Variants in GLP1R observed in about 807,000 individuals in gnomAD.
GLP1R encodes glucagon-like peptide 1 receptor.
In GLP1R, 32 loss-of-function variants were observed where a neutral mutation model predicts 68.4. The ratio of observed to expected loss-of-function variants is 0.47; its 90% CI spans 0.35 to 0.63. GLP1R has a LOEUF of 0.63. Among genes scored for constraint, GLP1R ranks in the 20% least tolerant of loss-of-function variants. GLP1R has a pLI of 0.00. For missense variants in GLP1R, 502 were observed against 594.9 expected, an observed-to-expected ratio of 0.84 and a Z score of 1.62; for synonymous variants, 263 against 244.4, an observed-to-expected ratio of 1.08 and a Z score of -0.71.
chr6:39,070,347 A>G (rs1338743179), intron 5 of GLP1R, among the ~76,000 whole-genome samples: 1 of 152,238 alleles, frequency 6.6e-6, no homozygotes, highest in African/African-American at 2.4e-5. Flanking sequence ...ATTCCGTTGT[A>G]TAATACAGCA....
intron 12 of GLP1R, among the ~76,000 whole-genome samples, chr6:39,082,027 A>G (rs542350191): frequency 1.3e-5 from 2 of 152,310 alleles, no homozygotes; most frequent in South Asian, 2.1e-4. Flanking sequence ...GTAAGCAATC[A>G]CTATTAGATC....
Position 39,049,470 on chromosome 6 carries a change from A to G in GLP1R, c.78+552A>G, listed in dbSNP as rs745331491. Among the ~76,000 whole-genome samples, 1 of 151,912 alleles carries G rather than the reference A, an allele frequency of 6.6e-6. No homozygotes were observed. Among genetic ancestry groups the G allele is most frequent in the Non-Finnish European group, 1.5e-5 (1 of 67,984 alleles). Reference sequence around the variant, plus strand: ...CAGCCCCCAGCACAGCCTTTGATTCATGGCTCCTGGGGCCCTGCGGTGGCA... The same window carrying G: ...CAGCCCCCAGCACAGCCTTTGATTCGTGGCTCCTGGGGCCCTGCGGTGGCA... On this transcript the variant is annotated intron_variant, in intron 1 of 12. Coordinates refer to ENST00000373256, the MANE Select transcript of GLP1R (RefSeq NM_002062.5). This position sits in a 1 kb window ranked among gnomAD's most constrained non-coding sequence, Gnocchi z 4.5.
chr6:39,079,705 G>A lies in GLP1R; in HGVS notation c.1182+3G>A. The A allele has an allele frequency of 6.2e-7, 1 of 1,612,384 alleles. No individual in the cohort carries two copies. The highest frequency in any genetic ancestry group is 8.5e-7 in the Non-Finnish European group (1 of 1,179,006). ...AGCTCTCCTTCACCTCCTTCCAGGTGACTTCATGCTTGGGGACACTTGCTT... is the reference window on the plus strand; with the variant it reads ...AGCTCTCCTTCACCTCCTTCCAGGTAACTTCATGCTTGGGGACACTTGCTT... On this transcript the variant is annotated splice_donor_region_variant and intron_variant, in intron 11 of 12. Transcript: ENST00000373256. This position sits in a 1 kb window ranked among gnomAD's most constrained non-coding sequence, Gnocchi z 4.5.
Position 39,086,313 on chromosome 6 carries a change from C to T in GLP1R, c.*240C>T, listed in dbSNP as rs61590396. ...GAGAAGCAGCCTCCTAATTTGATCA[C>T]AGTGGCGAGAGGAGAGGAAAAACGA... On this transcript the variant is annotated 3_prime_UTR_variant, in exon 13 of 13. Transcript: ENST00000373256. This position sits in a 1 kb window ranked among gnomAD's most constrained non-coding sequence, Gnocchi z 4.5. 2,360 of 459,028 alleles carry T rather than the reference C, an allele frequency of 5.1e-3. 55 individuals are homozygous for T. The highest frequency in any genetic ancestry group is 0.041 in the African/African-American group (2,084 of 50,700). 28.4% of individuals were successfully genotyped at this position (459,028 alleles called of 1,614,324 possible). A position where few individuals can be genotyped will look rare whatever the true frequency, so the allele number is the denominator to read the frequency against.
intron 12 of GLP1R, among the ~76,000 whole-genome samples, chr6:39,082,371 T>C (rs1375976052): frequency 6.6e-6 from 1 of 152,156 alleles, no homozygotes; most frequent in Non-Finnish European, 1.5e-5. Flanking sequence ...AGACAGAAGA[T>C]GGTAGAGCTA....
chr6:39,073,188 T>C (rs1768722064), intron 6 of GLP1R, among the ~76,000 whole-genome samples, 173 bp downstream of exon 6: 1 of 152,164 alleles, frequency 6.6e-6, no homozygotes, highest in Non-Finnish European at 1.5e-5. Flanking sequence ...TCCAGTCTGC[T>C]GAGAGAGGCA....
At chr6:39,081,976 C>T (rs987666271) in intron 12 of GLP1R, among the ~76,000 whole-genome samples, 1 of 152,222 alleles carries the variant, frequency 6.6e-6, no homozygotes, top group African/African-American at 2.4e-5. Context: ...ACAGGTGCTG[C>T]TTGGCATGGA....
intron 11 of GLP1R, among the ~76,000 whole-genome samples, chr6:39,080,393 G>A (rs1444096105): frequency 6.6e-6 from 1 of 152,212 alleles, no homozygotes; most frequent in East Asian, 1.9e-4. Context: ...TTGGATGTAG[G>A]ATCTCTACAG....
chr6:39,054,113 C>A (rs528232279), intron 1 of GLP1R, among the ~76,000 whole-genome samples: 2 of 152,212 alleles, frequency 1.3e-5, no homozygotes, highest in African/African-American at 4.8e-5. Context: ...AACCCTGCCC[C>A]AACCACTCCC....
At chr6:39,075,861 G>A (rs1358778174) in intron 7 of GLP1R, among the ~76,000 whole-genome samples, 1 of 152,232 alleles carries the variant, frequency 6.6e-6, no homozygotes, top group East Asian at 1.9e-4. Flanking sequence ...AACCCACATG[G>A]AGGCTGTGCA....
intron 3 of GLP1R, among the ~76,000 whole-genome samples, chr6:39,058,642 TATCATCATC>T (rs112102888): frequency 2.7e-5 from 4 of 149,880 alleles, no homozygotes; most frequent in Admixed American, 1.3e-4. Context: ...GATATTTCCC[TATCATCATC>T]ATCATCATCA....
At chr6:39,052,196 C>CTGTCCTTTCGTTCAGATATCTAA (rs1768104158) in intron 1 of GLP1R, among the ~76,000 whole-genome samples, 1 of 151,866 alleles carries the variant, frequency 6.6e-6, no homozygotes, top group African/African-American at 2.4e-5. Flanking sequence ...ATTCCTTTTC[C>CTGTCCTTTCGTTCAGATATCTAA]TGTCCTTTCG....
Position 39,065,734 on chromosome 6 carries a change from T to A in GLP1R, c.307T>A (p.Phe103Ile). 1 of 1,572,154 alleles carries A rather than the reference T, an allele frequency of 6.4e-7. No homozygotes were observed. The highest frequency in any genetic ancestry group is 8.6e-7 in the Non-Finnish European group (1 of 1,158,182). ...SSVPQGHVYRFCTAEGLWLQK... is the reference protein window; with the variant it reads ...SSVPQGHVYRICTAEGLWLQK... ...AGTGCCGCAGGGCCACGTGTACCGG[T>A]TCTGCACAGCTGAAGGCCTCTGGCT... is the stretch of plus-strand genomic sequence containing the variant. Residue 103 changes from phenylalanine to isoleucine, a missense_variant, in exon 4 of 13, where the codon TTC becomes ATC. Phe to Ile is a conservative substitution (Grantham distance 21). Coordinates refer to ENST00000373256, the MANE Select transcript of GLP1R (RefSeq NM_002062.5).
chr6:39,054,545 T>C (rs941962136), intron 1 of GLP1R, among the ~76,000 whole-genome samples: 1 of 150,004 alleles, frequency 6.7e-6, no homozygotes, highest in African/African-American at 2.5e-5. Flanking sequence ...TCCACAGCTC[T>C]GCTCAGAGTA....
At position 39,063,926 on chromosome 6, in the gene GLP1R, A is replaced by AACACACACAC. The variant is rs530782175; in HGVS notation, c.284-1758_284-1749dup. Among the ~76,000 whole-genome samples the AACACACACAC allele has an allele frequency of 6.1e-3, 789 of 130,252 alleles. 10 individuals are homozygous for AACACACACAC. The highest frequency in any genetic ancestry group is 0.011 in the African/African-American group (354 of 33,496). The allele number at this position is 130,252 out of a possible 152,430, so 85.5% of individuals were successfully genotyped here. ...CACACACACACACACACAGACACAT[A>AACACACACAC]ACACACACACACACACACACACACA... On this transcript the variant is annotated intron_variant, in intron 3 of 12. Transcript: ENST00000373256.
At chr6:39,070,043 C>G (rs1768616602) in intron 5 of GLP1R, among the ~76,000 whole-genome samples, 1 of 152,178 alleles carries the variant, frequency 6.6e-6, no homozygotes, top group African/African-American at 2.4e-5. Flanking sequence ...CCTCACATCA[C>G]AGAAGGCAAA....
rs1276083689 is a variant in GLP1R, at chr6:39,089,102, CT to C, written c.*3032del. On this transcript the variant is annotated 3_prime_UTR_variant, in exon 13 of 13. Transcript: ENST00000373256. This position sits in a 1 kb window ranked among gnomAD's most constrained non-coding sequence, Gnocchi z 4.1. Reference sequence around the variant, plus strand: ...CATCAGATGGTGAAAGTGTCATCTCCTTTGTAATTTATACTGGTGAGAGGAG... The same window carrying C: ...CATCAGATGGTGAAAGTGTCATCTCCTTGTAATTTATACTGGTGAGAGGAG... Among the ~76,000 whole-genome samples, 5 of 152,210 alleles carry C rather than the reference CT, an allele frequency of 3.3e-5. No individual in the cohort carries two copies. The highest frequency in any genetic ancestry group is 7.3e-5 in the Non-Finnish European group (5 of 68,036).
chr6:39,050,504 C>T (rs913373158), intron 1 of GLP1R, among the ~76,000 whole-genome samples: 1 of 152,062 alleles, frequency 6.6e-6, no homozygotes, highest in Non-Finnish European at 1.5e-5. Flanking sequence ...CTCCTTAGCC[C>T]CAGGCCTAAG....
chr6:39,054,591 T>A (rs546973727), intron 1 of GLP1R, among the ~76,000 whole-genome samples: 3 of 152,110 alleles, frequency 2.0e-5, no homozygotes, highest in Admixed American at 1.3e-4. Flanking sequence ...GGAGGCCAGA[T>A]TGGCCTTCAT....
Sources: allele counts gnomAD v4.1 joint callset (sites outside exome capture counted in the v4.1 genomes callset), GRCh38; gene constraint gnomAD v4.1.1; non-coding constraint Gnocchi (gnomAD v3.1); transcripts MANE v1.5; gene names NCBI Gene and HGNC (gene_info 2026-07-23, HGNC 2026-07-21).